Variants in CSMD3 observed in about 807,000 individuals in gnomAD.
CSMD3 encodes CUB and Sushi multiple domains 3, also known as CUB and sushi domain-containing protein 3.
In CSMD3, 177 loss-of-function variants were observed where a neutral mutation model predicts 435.2. The ratio of observed to expected loss-of-function variants is 0.41; its 90% CI spans 0.36 to 0.46. The LOEUF is 0.46. CSMD3 is among the 20% of genes least tolerant of loss of function. CSMD3 has a pLI of 0.34. For missense variants in CSMD3, 4,265 were observed against 4,504.6 expected (o/e 0.95, Z 1.52); for synonymous variants, 1,656 against 1,520.5 (o/e 1.09, Z -2.07).
At chr8:113,378,736 G>A (rs968630264) in intron 1 of CSMD3, among the ~76,000 whole-genome samples, 2 of 148,684 alleles carry the variant, frequency 1.3e-5, no homozygotes, top group African/African-American at 5.0e-5. Flanking sequence ...GGCAATGGCT[G>A]AAAACAATTT....
intron 53 of CSMD3, among the ~76,000 whole-genome samples, chr8:112,300,365 T>C (rs1187078775): frequency 2.0e-5 from 3 of 150,980 alleles, no homozygotes; most frequent in Non-Finnish European, 1.5e-5. Flanking sequence ...TAATCTGTAA[T>C]TGAAATTAGT....
intron 5 of CSMD3, among the ~76,000 whole-genome samples, chr8:113,062,759 G>A (rs890907854): frequency 9.9e-5 from 15 of 151,608 alleles, no homozygotes; most frequent in African/African-American, 3.6e-4. Context: ...CATTTGTATT[G>A]TCTCTTTCTA....
At chr8:112,809,576 A>T (rs905226599) in intron 12 of CSMD3, among the ~76,000 whole-genome samples, 14 of 152,136 alleles carry the variant, frequency 9.2e-5, no homozygotes, top group South Asian at 2.1e-4. Flanking sequence ...ACATTTTATT[A>T]AAAAAATGTT....
At chr8:113,071,380 A>G (rs1588012907) in intron 5 of CSMD3, among the ~76,000 whole-genome samples, 1 of 151,856 alleles carries the variant, frequency 6.6e-6, no homozygotes, top group Non-Finnish European at 1.5e-5. Flanking sequence ...TGTCATAGCC[A>G]AAAAAATCAT....
intron 4 of CSMD3, among the ~76,000 whole-genome samples, chr8:113,158,729 G>C (rs894204898): frequency 6.6e-6 from 1 of 151,426 alleles, no homozygotes; most frequent in African/African-American, 2.4e-5. Context: ...TTCTGATTTT[G>C]GTTTATATAT....
chr8:112,282,327 T>C (rs1818737326), intron 58 of CSMD3, among the ~76,000 whole-genome samples: 1 of 151,988 alleles, frequency 6.6e-6, no homozygotes, highest in Admixed American at 6.6e-5. Context: ...AATCAAACTC[T>C]AGATAATATT....
chr8:112,418,188 T>A (rs2130235310), intron 32 of CSMD3, among the ~76,000 whole-genome samples: 1 of 152,248 alleles, frequency 6.6e-6, no homozygotes, highest in Middle Eastern at 3.4e-3. Flanking sequence ...TCATAAAAAA[T>A]TACTGTTGGT....
intron 45 of CSMD3, among the ~76,000 whole-genome samples, 200 bp downstream of exon 45, chr8:112,335,129 C>T (rs1196196527): frequency 1.3e-5 from 2 of 152,078 alleles, no homozygotes; most frequent in African/African-American, 2.4e-5. Context: ...TCCATTTGCT[C>T]ACATTTTAAT....
At chr8:112,794,485 G>A (rs888924898) in intron 13 of CSMD3, among the ~76,000 whole-genome samples, 5 of 151,694 alleles carry the variant, frequency 3.3e-5, no homozygotes, top group African/African-American at 1.2e-4. Context: ...AGTAGAGATA[G>A]GGTTTCACCA....
intron 41 of CSMD3, among the ~76,000 whole-genome samples, chr8:112,342,971 T>TTTTATATATATA (rs1554647494): frequency 4.3e-5 from 4 of 92,408 alleles, no homozygotes; most frequent in African/African-American, 1.5e-4. Flanking sequence ...TTGAAATGTA[T>TTTTATATATATA]TATATATATA....
At chr8:112,787,899 A>G (rs2078590851) in intron 13 of CSMD3, among the ~76,000 whole-genome samples, 1 of 152,156 alleles carries the variant, frequency 6.6e-6, no homozygotes, top group Non-Finnish European at 1.5e-5. Context: ...CAGGGTGACT[A>G]CAGTGAAAAA....
At chr8:113,023,041 G>C (rs2086739901) in intron 5 of CSMD3, among the ~76,000 whole-genome samples, 1 of 151,982 alleles carries the variant, frequency 6.6e-6, no homozygotes, top group South Asian at 2.1e-4. Context: ...AAAATTGAGA[G>C]AATGACAGCT....
At chr8:112,354,002 A>G (rs1161785346) in intron 38 of CSMD3, among the ~76,000 whole-genome samples, 1 of 152,218 alleles carries the variant, frequency 6.6e-6, no homozygotes, top group Non-Finnish European at 1.5e-5. Context: ...ATTCACCATG[A>G]TCAAACAGGA....
intron 13 of CSMD3, among the ~76,000 whole-genome samples, chr8:112,696,456 G>C (rs1477544489): frequency 3.3e-5 from 5 of 151,984 alleles, no homozygotes; most frequent in East Asian, 1.9e-4. Flanking sequence ...ACAAACCTGA[G>C]AAAAACAAGC....
intron 17 of CSMD3, among the ~76,000 whole-genome samples, chr8:112,657,112 GAGTGC>G (rs371770748): frequency 1.5e-3 from 208 of 142,062 alleles, no homozygotes; most frequent in African/African-American, 5.4e-3. Flanking sequence ...AACCAGGCTA[GAGTGC>G]AGTGGTGCCA....
chr8:112,534,730 A>G (rs1825885033), intron 27 of CSMD3, among the ~76,000 whole-genome samples: 1 of 152,066 alleles, frequency 6.6e-6, no homozygotes, highest in Admixed American at 6.6e-5. Context: ...ACAACCAAAA[A>G]AGAGAATTTT....
At chr8:113,145,172 A>C (rs1353588224) in intron 4 of CSMD3, among the ~76,000 whole-genome samples, 2 of 151,430 alleles carry the variant, frequency 1.3e-5, no homozygotes, top group Non-Finnish European at 3.0e-5. Context: ...GAGTGGTAGG[A>C]AATGGACCAG....
At chr8:112,775,596 C>T (rs1444514085) in intron 13 of CSMD3, among the ~76,000 whole-genome samples, 2 of 151,800 alleles carry the variant, frequency 1.3e-5, no homozygotes, top group Non-Finnish European at 1.5e-5. Context: ...TTTCTAGTTA[C>T]AAGCAGGCAA....
At chr8:112,820,521 T>C (rs1390352902) in intron 12 of CSMD3, among the ~76,000 whole-genome samples, 1 of 152,064 alleles carries the variant, frequency 6.6e-6, no homozygotes, top group Non-Finnish European at 1.5e-5. Flanking sequence ...AGTTTTATGA[T>C]TGTTTAAATA....
Sources: allele counts gnomAD v4.1 joint callset (sites outside exome capture counted in the v4.1 genomes callset), GRCh38; gene constraint gnomAD v4.1.1; transcripts MANE v1.5; gene names NCBI Gene and HGNC (gene_info 2026-07-23, HGNC 2026-07-21).